The following KLHDC10 variants were observed in gnomAD, a reference collection of about 807,000 sequenced individuals.
The protein encoded by KLHDC10 is kelch domain-containing protein 10.
Under a neutral mutation model 56.1 loss-of-function variants are expected in KLHDC10, and 24 were observed. The observed-to-expected ratio is 0.43, with a 90% CI of 0.31 to 0.60. KLHDC10 has a LOEUF of 0.60. KLHDC10 is among the 20% of genes least tolerant of loss of function. The pLI, the probability that KLHDC10 is intolerant of heterozygous loss-of-function variation, is 0.11. For missense variants in KLHDC10, 349 were observed against 567.0 expected, an observed-to-expected ratio of 0.62 and a Z score of 3.91; for synonymous variants, 188 against 207.1, an observed-to-expected ratio of 0.91 and a Z score of 0.79.
chr7:130,082,919 C>A (rs1198467535), intron 1 of KLHDC10, among the ~76,000 whole-genome samples: 1 of 152,170 alleles, frequency 6.6e-6, no homozygotes, highest in Admixed American at 6.5e-5. Flanking sequence ...ATTCTTGTAT[C>A]TCTTGAACTT....
chr7:130,135,480 A>G lies in KLHDC10; in HGVS notation c.*4734A>G, dbSNP rs1796461851. 6.5e-6 allele frequency: 1 copy of G among 154,408 alleles called. No individual in the cohort carries two copies. Among genetic ancestry groups the G allele is most frequent in the Admixed American group, 6.5e-5 (1 of 15,288 alleles). The allele number at this position is 154,408 out of a possible 1,614,324, so 9.6% of individuals were successfully genotyped here. ...CCATACACAATGCTCGCCTTACTTT[A>G]AAGCTATTTTGCCACAGTCCTGTTA... On this transcript the variant is annotated 3_prime_UTR_variant, in exon 10 of 10. Transcript: ENST00000335420.
At chr7:130,077,758 T>C (rs1795534705) in intron 1 of KLHDC10, among the ~76,000 whole-genome samples, 1 of 151,802 alleles carries the variant, frequency 6.6e-6, no homozygotes, top group African/African-American at 2.4e-5. Flanking sequence ...GGTTTCACCA[T>C]GTTAGCCAGG....
intron 5 of KLHDC10, among the ~76,000 whole-genome samples, chr7:130,122,768 A>G (rs1197000313): frequency 6.6e-6 from 1 of 152,142 alleles, no homozygotes; most frequent in Non-Finnish European, 1.5e-5. Context: ...CTGCTTCTCA[A>G]ACTCCTAGGC....
chr7:130,100,518 G>T (rs1317705998), intron 2 of KLHDC10, among the ~76,000 whole-genome samples: 1 of 152,162 alleles, frequency 6.6e-6, no homozygotes, highest in Non-Finnish European at 1.5e-5. Context: ...GTATTGTAAA[G>T]GCCACTGTCA....
chr7:130,129,064 G>A (rs1017160378), intron 8 of KLHDC10, among the ~76,000 whole-genome samples: 5 of 151,652 alleles, frequency 3.3e-5, no homozygotes, highest in African/African-American at 9.7e-5. Context: ...CTGCATAGCT[G>A]TCGCCTCTTT....
chr7:130,083,656 A>G (rs1036063740), intron 1 of KLHDC10, among the ~76,000 whole-genome samples: 35 of 152,130 alleles, frequency 2.3e-4, no homozygotes, highest in Admixed American at 1.3e-4. Flanking sequence ...AGGCTGAGGC[A>G]GGAGAATTGC....
chr7:130,115,647 A>G (rs977396959), intron 2 of KLHDC10, among the ~76,000 whole-genome samples: 6 of 146,448 alleles, frequency 4.1e-5, no homozygotes, highest in Non-Finnish European at 7.4e-5. Flanking sequence ...CCTGGGAGGC[A>G]GAGGTTGCAG....
At chr7:130,094,184 G>C (rs1324110902) in intron 1 of KLHDC10, among the ~76,000 whole-genome samples, 1 of 151,994 alleles carries the variant, frequency 6.6e-6, no homozygotes, top group Non-Finnish European at 1.5e-5. Flanking sequence ...CCTTGGCCTC[G>C]TAAAGCGCTG....
chr7:130,102,088 G>A (rs915205836), intron 2 of KLHDC10, among the ~76,000 whole-genome samples: 3 of 151,820 alleles, frequency 2.0e-5, no homozygotes, highest in Non-Finnish European at 4.4e-5. Flanking sequence ...ACAAGAAGAG[G>A]AGCTCTATCA....
At chr7:130,073,976 C>T (rs1461701451) in intron 1 of KLHDC10, among the ~76,000 whole-genome samples, 1 of 152,150 alleles carries the variant, frequency 6.6e-6, no homozygotes, top group Non-Finnish European at 1.5e-5. Flanking sequence ...TCATATAGCA[C>T]ACCAGTCTTT....
At chr7:130,078,278 G>T (rs1795544747) in intron 1 of KLHDC10, among the ~76,000 whole-genome samples, 1 of 150,608 alleles carries the variant, frequency 6.6e-6, no homozygotes, top group South Asian at 2.1e-4. Flanking sequence ...GGAGGCTGAG[G>T]CAGGAGAATC....
At chr7:130,113,953 TAGAA>T (rs1362751813) in intron 2 of KLHDC10, among the ~76,000 whole-genome samples, 1 of 152,208 alleles carries the variant, frequency 6.6e-6, no homozygotes. Flanking sequence ...TGCTAATTCT[TAGAA>T]AGAAGCATTT....
At chr7:130,094,799 A>G (rs1019183335) in intron 1 of KLHDC10, 1 of 152,174 alleles carries the variant, frequency 6.6e-6, no homozygotes, top group Non-Finnish European at 1.5e-5. Context: ...ATCATTGGAC[A>G]TTGAAAGTGT....
At chr7:130,113,687 G>A (rs1796131344) in intron 2 of KLHDC10, among the ~76,000 whole-genome samples, 1 of 152,152 alleles carries the variant, frequency 6.6e-6, no homozygotes, top group Non-Finnish European at 1.5e-5. Flanking sequence ...TCTTTTCACA[G>A]ACCCCTCAAC....
At chr7:130,079,945 CCTTCCTCCCTTT>C (rs1172127701) in intron 1 of KLHDC10, among the ~76,000 whole-genome samples, 1 of 140,344 alleles carries the variant, frequency 7.1e-6, no homozygotes, top group African/African-American at 2.8e-5. Flanking sequence ...TCCTTCCCTC[CCTTCCTCCCTTT>C]CTTCCTCCCT....
intron 8 of KLHDC10, 21 bp from the exon 9 acceptor site, chr7:130,129,416 G>A: frequency 6.2e-7 from 1 of 1,612,268 alleles, no homozygotes; most frequent in Non-Finnish European, 8.5e-7. Flanking sequence ...GTGTGATCTT[G>A]GCTTTCTCTT....
In KLHDC10 at chr7:130,096,540, A is replaced by G. The variant is rs111761713; in HGVS notation, c.167-381A>G. On this transcript the variant is annotated intron_variant, in intron 1 of 9. Coordinates refer to ENST00000335420, the MANE Select transcript of KLHDC10 (RefSeq NM_014997.4). ...AGAACAGGAGCCTCTGTTATGTCCA[A>G]TTAGTTTCAGAGCTCCATTTTGAAA... 8.8e-3 allele frequency among the ~76,000 whole-genome samples: 1,340 copies of G among 152,248 alleles called. 21 individuals carry two copies. The highest frequency in any genetic ancestry group is 0.03 in the African/African-American group (1,266 of 41,554).
chr7:130,126,024 T>A (rs1194339108), intron 7 of KLHDC10, 93 bp downstream of exon 7: 1 of 922,924 alleles, frequency 1.1e-6, no homozygotes, highest in Non-Finnish European at 1.6e-6. Context: ...CTGAGTTATA[T>A]GTCAAGTTAA....
At position 130,114,239 on chromosome 7, in the gene KLHDC10, T is replaced by G. The variant is rs186346585; in HGVS notation, c.254-2206T>G. The stretch of plus-strand genomic sequence containing the variant: ...AACTGTTTGGAAAAGAAAAACAAAC[T>G]GACAAAATGCATAGAAAAAATTAAA... On this transcript the variant is annotated intron_variant, in intron 2 of 9. Coordinates refer to ENST00000335420, the MANE Select transcript of KLHDC10 (RefSeq NM_014997.4). Among the ~76,000 whole-genome samples, 83 of 152,306 alleles carry G rather than the reference T, an allele frequency of 5.4e-4. 1 individual carries two copies. In the South Asian group the frequency reaches 0.016, roughly 30 times the overall value.
Sources: allele counts gnomAD v4.1 joint callset (sites outside exome capture counted in the v4.1 genomes callset), GRCh38; gene constraint gnomAD v4.1.1; transcripts MANE v1.5; gene names NCBI Gene and HGNC (gene_info 2026-07-23, HGNC 2026-07-21).